The following DMD variants were observed in gnomAD, a reference collection of about 807,000 sequenced individuals.
DMD encodes mutant dystrophin.
In DMD, 63 loss-of-function variants were observed where a neutral mutation model predicts 330.1. The ratio of observed to expected loss-of-function variants is 0.19; its 90% CI spans 0.16 to 0.24. The LOEUF is 0.24. Among genes scored for constraint, DMD ranks in the 10% least tolerant of loss-of-function variants. The probability of loss-of-function intolerance (pLI) is 1.00; values close to 1 mark genes in which losing one functional copy is unlikely to be tolerated. For missense variants in DMD, 3,344 were observed against 2,684.1 expected (o/e 1.25, Z -5.43); for synonymous variants, 1,223 against 959.8 (o/e 1.27, Z -5.07).
chrX:32,887,060 C>G (rs1343568391), intron 2 of DMD, among the ~76,000 whole-genome samples: 1 of 111,641 alleles, frequency 9.0e-6, no homozygotes, highest in Non-Finnish European at 1.9e-5. Context: ...ATAATTGGAC[C>G]CTTACAGCTG....
intron 7 of DMD, among the ~76,000 whole-genome samples, chrX:32,752,755 T>C (rs1033213637): frequency 7.3e-5 from 8 of 108,886 alleles, no homozygotes; most frequent in African/African-American, 2.7e-4. Flanking sequence ...CTGTGGGAGG[T>C]AATTGAATCA....
intron 51 of DMD, among the ~76,000 whole-genome samples, chrX:31,737,291 T>C (rs1008556041): frequency 8.9e-6 from 1 of 112,131 alleles, no homozygotes; most frequent in Non-Finnish European, 1.9e-5. Context: ...TGATATAATA[T>C]AGGAATGGAT....
rs774145818 is a variant in DMD at position 31,872,760 on chromosome X, G to T, written c.7098+2428C>A. Among the ~76,000 whole-genome samples the T allele has an allele frequency of 3.5e-3, 385 of 111,560 alleles. 1 individual carries two copies. The highest frequency in any genetic ancestry group is 5.5e-3 in the Non-Finnish European group (291 of 53,110). ...AGAATATACTGGATATAAGATAATT[G>T]AGAATTTGGCTAAGGTTATTGTGTA... On this transcript the variant is annotated intron_variant, in intron 48 of 78. Coordinates refer to ENST00000357033, the MANE Select transcript of DMD (RefSeq NM_004006.3).
At chrX:32,862,648 G>T (rs990567210) in intron 2 of DMD, among the ~76,000 whole-genome samples, 5 of 111,612 alleles carry the variant, frequency 4.5e-5, no homozygotes, top group Non-Finnish European at 9.4e-5. Flanking sequence ...AATTCACAAA[G>T]TTATTTTAAA....
At chrX:31,563,329 G>A (rs1325878406) in intron 55 of DMD, among the ~76,000 whole-genome samples, 2 of 111,709 alleles carry the variant, frequency 1.8e-5, no homozygotes, top group African/African-American at 6.5e-5. Context: ...CAAAGTGCTG[G>A]GATTACAGGC....
intron 4 of DMD, among the ~76,000 whole-genome samples, chrX:32,829,814 C>G (rs1007683498): frequency 1.8e-5 from 2 of 111,318 alleles, no homozygotes; most frequent in Admixed American, 1.9e-4. Flanking sequence ...AACAGAGTAT[C>G]AAAGATAAAT....
Position 31,169,459 on chromosome X carries a change from G to T in DMD, c.10537C>A (p.Leu3513Ile), listed in dbSNP as rs1056947008. The T allele has an allele frequency of 8.3e-7, 1 of 1,204,919 alleles. No homozygotes were observed. Among genetic ancestry groups the T allele is most frequent in the Non-Finnish European group, 1.1e-6 (1 of 890,238 alleles). The change falls in exon 74 of 79, where the codon CTT (leucine) becomes ATT (isoleucine). Residue 3513 changes from leucine to isoleucine, a missense_variant. Leu to Ile is a conservative substitution (Grantham distance 5, BLOSUM62 2). Coordinates refer to ENST00000357033, the MANE Select transcript of DMD (RefSeq NM_004006.3). ...AAAACTCACCTGTTTTCTTCCTCAAGATCTGCTAGGATTCTCTCTAGCTCC... is the reference window on the plus strand; with the variant it reads ...AAAACTCACCTGTTTTCTTCCTCAATATCTGCTAGGATTCTCTCTAGCTCC... ...RGELERILAD[L>I]EEENRNLQAE...
intron 44 of DMD, among the ~76,000 whole-genome samples, chrX:32,044,245 AATC>A (rs2096038103): frequency 9.0e-6 from 1 of 110,552 alleles, no homozygotes; most frequent in African/African-American, 3.3e-5. Flanking sequence ...CCAAACATAT[AATC>A]AGAAAATTGT....
intron 6 of DMD, among the ~76,000 whole-genome samples, chrX:32,809,962 A>AGAAAGAAC (rs2077250721): frequency 1.0e-5 from 1 of 97,670 alleles, no homozygotes; most frequent in African/African-American, 3.5e-5. Flanking sequence ...AAAGAAAGAA[A>AGAAAGAAC]GAAAGAAAAA....
intron 33 of DMD, among the ~76,000 whole-genome samples, chrX:32,384,818 A>T (rs1230871408): frequency 2.7e-5 from 3 of 111,235 alleles, no homozygotes; most frequent in Non-Finnish European, 5.7e-5. Flanking sequence ...CCTGAGTTGT[A>T]AAAATATAAC....
At position 32,835,452 on chromosome X, in the gene DMD, A is replaced by C. The variant is rs564022049; in HGVS notation, c.264+9331T>G. 4.3e-4 allele frequency among the ~76,000 whole-genome samples: 48 copies of C among 112,824 alleles called. 1 individual carries two copies. The South Asian group carries it at 0.016, about 38-fold the overall frequency. ...TTTAAAATCACAACCAACTATTACA[A>C]ATGAGCTTTGCTCTCAGCAAATACC... On this transcript the variant is annotated intron_variant, in intron 4 of 78. Transcript: ENST00000357033.
chrX:32,027,223 GGAGA>G (rs768325497), intron 44 of DMD, among the ~76,000 whole-genome samples: 5 of 105,950 alleles, frequency 4.7e-5, no homozygotes, highest in Non-Finnish European at 9.8e-5. Context: ...GGAAGGCTGG[GGAGA>G]GAGAGAGAGA....
At chrX:31,417,199 G>C (rs973898106) in intron 60 of DMD, among the ~76,000 whole-genome samples, 1 of 112,538 alleles carries the variant, frequency 8.9e-6, no homozygotes, top group Non-Finnish European at 1.9e-5. Context: ...TAAGTGCTGG[G>C]TGAATGTAGG....
At chrX:31,538,494 A>G (rs1007588585) in intron 55 of DMD, among the ~76,000 whole-genome samples, 2 of 112,297 alleles carry the variant, frequency 1.8e-5, no homozygotes, top group African/African-American at 6.5e-5. Flanking sequence ...ATCAATAAAT[A>G]TTCATGAAAG....
intron 45 of DMD, among the ~76,000 whole-genome samples, chrX:31,933,756 C>T (rs764163608): frequency 5.4e-5 from 6 of 111,715 alleles, no homozygotes; most frequent in Non-Finnish European, 9.4e-5. Flanking sequence ...ATTATTTTGC[C>T]GGTACTGAAT....
At chrX:32,254,248 G>T (rs2097289548) in intron 43 of DMD, among the ~76,000 whole-genome samples, 1 of 111,116 alleles carries the variant, frequency 9.0e-6, no homozygotes, top group African/African-American at 3.3e-5. Flanking sequence ...CACCATGTTG[G>T]CTGGGCTGGA....
chrX:31,811,195 T>C (rs748545330), intron 50 of DMD, among the ~76,000 whole-genome samples: 4 of 112,274 alleles, frequency 3.6e-5, no homozygotes, highest in Non-Finnish European at 7.5e-5. Context: ...ATAATTAACA[T>C]CTAAATGCTG....
rs1472636456 is a variant in DMD, at chrX:32,396,547, ATATT to A, written c.4234-6370_4234-6367del. ...TGTCTATACCACAGAACTTCTCAGA[ATATT>A]TATTAATATATATTGTGTATATCCA... On this transcript the variant is annotated intron_variant, in intron 30 of 78. Transcript: ENST00000357033. Among the ~76,000 whole-genome samples the A allele has an allele frequency of 2.7e-5, 3 of 111,215 alleles. No individual in the cohort carries two copies. The Admixed American group carries it at 2.9e-4, about 11-fold the overall frequency.
At chrX:32,400,536 T>C (rs190819985) in intron 30 of DMD, among the ~76,000 whole-genome samples, 555 of 111,304 alleles carry the variant, frequency 5.0e-3, no homozygotes, top group Non-Finnish European at 8.0e-3. Flanking sequence ...AGGAATGGTA[T>C]CAGTTCCTCC....
Sources: allele counts gnomAD v4.1 joint callset (sites outside exome capture counted in the v4.1 genomes callset), GRCh38; gene constraint gnomAD v4.1.1; transcripts MANE v1.5; gene names NCBI Gene and HGNC (gene_info 2026-07-23, HGNC 2026-07-21).